The following TSPAN12 variants were observed in gnomAD, a reference collection of about 807,000 sequenced individuals.
The protein encoded by TSPAN12 is tetraspanin-12.
In TSPAN12, 19 loss-of-function variants were observed where a neutral mutation model predicts 39.2. That is an observed-to-expected ratio of 0.49 (90% CI 0.34 to 0.71). The LOEUF (loss-of-function observed/expected upper bound fraction) is 0.71, where lower values mean the gene tolerates loss of function less well. Among genes scored for constraint, TSPAN12 ranks in the 30% least tolerant of loss-of-function variants. TSPAN12 has a pLI of 0.01. For synonymous variants in TSPAN12, 119 were observed against 124.8 expected, an observed-to-expected ratio of 0.95 and a Z score of 0.31; for missense variants, 314 against 359.9, an observed-to-expected ratio of 0.87 and a Z score of 1.03.
intron 2 of TSPAN12, among the ~76,000 whole-genome samples, chr7:120,849,149 G>T (rs1241701772): frequency 1.3e-5 from 2 of 152,158 alleles, no homozygotes; most frequent in Admixed American, 1.3e-4. Flanking sequence ...AGCTCAAGGA[G>T]ATATTTTAAA....
intron 2 of TSPAN12, among the ~76,000 whole-genome samples, chr7:120,851,831 A>G (rs1794774748): frequency 1.3e-5 from 2 of 152,146 alleles, no homozygotes; most frequent in Non-Finnish European, 2.9e-5. Context: ...ACAGACCCAC[A>G]ATACTCATGA....
intron 7 of TSPAN12, among the ~76,000 whole-genome samples, chr7:120,798,225 C>T (rs1482713291): frequency 6.6e-6 from 1 of 152,166 alleles, no homozygotes; most frequent in Non-Finnish European, 1.5e-5. Flanking sequence ...TTCGATCAAG[C>T]AAAGCCTGAA....
chr7:120,797,734 C>T (rs1226316399), intron 7 of TSPAN12, among the ~76,000 whole-genome samples: 1 of 152,174 alleles, frequency 6.6e-6, no homozygotes, highest in African/African-American at 2.4e-5. Flanking sequence ...CGTTCACTCC[C>T]CACAGCCAAT....
intron 7 of TSPAN12, among the ~76,000 whole-genome samples, chr7:120,791,598 C>T (rs932037914): frequency 1.3e-5 from 2 of 152,086 alleles, no homozygotes; most frequent in Non-Finnish European, 2.9e-5. Context: ...CCTCTTTAGA[C>T]TAATTCATTT....
At position 120,858,100 on chromosome 7, in the gene TSPAN12, G is replaced by C. The variant is rs13225104; in HGVS notation, c.-351C>G. 6.6e-6 allele frequency: 1 copy of C among 152,116 alleles called. No homozygotes were observed. The highest frequency in any genetic ancestry group is 1.5e-5 in the Non-Finnish European group (1 of 68,088). The allele number at this position is 152,116 out of a possible 1,614,324, so 9.4% of individuals were successfully genotyped here. A position where few individuals can be genotyped will look rare whatever the true frequency, so the allele number is the denominator to read the frequency against. ...TCCCAAGTCCTCTCCGAGTCCGGAC[G>C]AGGCAGCGGCGGCAGCCAGGGCCAG... On this transcript the variant is annotated 5_prime_UTR_variant, in exon 1 of 8. Coordinates refer to ENST00000222747, the MANE Select transcript of TSPAN12 (RefSeq NM_012338.4).
At chr7:120,852,824 C>G (rs1224187218) in intron 2 of TSPAN12, among the ~76,000 whole-genome samples, 3 of 151,996 alleles carry the variant, frequency 2.0e-5, no homozygotes, top group Non-Finnish European at 4.4e-5. Context: ...AGTTATTGAA[C>G]TACTGAGTAC....
At chr7:120,825,831 T>C (rs923929464) in intron 4 of TSPAN12, among the ~76,000 whole-genome samples, 7 of 152,228 alleles carry the variant, frequency 4.6e-5, no homozygotes, top group Admixed American at 3.3e-4. Context: ...ACAGAGCCTC[T>C]GTTTTAGCTA....
intron 7 of TSPAN12, among the ~76,000 whole-genome samples, chr7:120,792,460 T>G (rs1291501854): frequency 6.6e-6 from 1 of 152,176 alleles, no homozygotes; most frequent in Non-Finnish European, 1.5e-5. Context: ...AGCTCTGACA[T>G]ATTCGTGGAG....
At chr7:120,849,445 G>A (rs185629779) in intron 2 of TSPAN12, among the ~76,000 whole-genome samples, 5 of 152,246 alleles carry the variant, frequency 3.3e-5, no homozygotes, top group East Asian at 1.9e-4. Flanking sequence ...GTAAGGTCAC[G>A]GTCAAGAAAC....
chr7:120,791,840 G>A (rs1793529717), intron 7 of TSPAN12, among the ~76,000 whole-genome samples: 1 of 152,106 alleles, frequency 6.6e-6, no homozygotes, highest in Admixed American at 6.5e-5. Context: ...CTCTAGAATG[G>A]GAGGGGTCCT....
At chr7:120,856,895 C>T in intron 1 of TSPAN12, 62 bp from the exon 2 acceptor site, 1 of 980,988 alleles carries the variant, frequency 1.0e-6, no homozygotes, top group South Asian at 1.4e-5. Context: ...CACAGCCTGC[C>T]CGTCCCTCCT....
At chr7:120,806,777 T>A in intron 6 of TSPAN12, 85 bp from the exon 7 acceptor site, 3 of 1,548,440 alleles carry the variant, frequency 1.9e-6, no homozygotes, top group Non-Finnish European at 2.6e-6. Flanking sequence ...TTTTTTAAAA[T>A]TTTTGTACCC....
rs1793450659 is a variant in TSPAN12, at chr7:120,788,439, C to T, written c.*153G>A. On this transcript the variant is annotated 3_prime_UTR_variant, in exon 8 of 8. Transcript: ENST00000222747. ...GGTGACTTATGACATGAAACTTTTC[C>T]ATCCTCATTTTAAAGCATAGAATAG... 3 of 929,398 alleles carry T rather than the reference C, an allele frequency of 3.2e-6. No homozygotes were observed. Among genetic ancestry groups the T allele is most frequent in the Non-Finnish European group, 4.8e-6 (3 of 619,794 alleles). The allele number at this position is 929,398 out of a possible 1,614,324, so 57.6% of individuals were successfully genotyped here. A position where few individuals can be genotyped will look rare whatever the true frequency, so the allele number is the denominator to read the frequency against.
At chr7:120,855,892 A>C (rs1794860742) in intron 2 of TSPAN12, among the ~76,000 whole-genome samples, 1 of 152,234 alleles carries the variant, frequency 6.6e-6, no homozygotes, top group South Asian at 2.1e-4. Context: ...GAACACAAAA[A>C]AATGGAAAGA....
intron 4 of TSPAN12, among the ~76,000 whole-genome samples, chr7:120,834,485 T>C (rs188101862): frequency 6.6e-5 from 10 of 152,314 alleles, no homozygotes; most frequent in Non-Finnish European, 1.3e-4. Flanking sequence ...TATAAAGACC[T>C]GTTTTGAGGA....
chr7:120,848,140 G>C (rs1794707319), intron 2 of TSPAN12, among the ~76,000 whole-genome samples: 1 of 152,162 alleles, frequency 6.6e-6, no homozygotes, highest in Admixed American at 6.5e-5. Flanking sequence ...CATGTGCTGA[G>C]CAACATCTAC....
chr7:120,854,606 G>A (rs565088070), intron 2 of TSPAN12, among the ~76,000 whole-genome samples: 1 of 152,276 alleles, frequency 6.6e-6, no homozygotes, highest in African/African-American at 2.4e-5. Flanking sequence ...AGTTAGATAG[G>A]TTGGCTACTT....
chr7:120,814,127 C>T (rs1226724247), intron 5 of TSPAN12: 1 of 450,348 alleles, frequency 2.2e-6, no homozygotes, highest in Non-Finnish European at 4.5e-6. Context: ...GTGGTTACTA[C>T]TTAGTATTCA....
At chr7:120,841,801 G>A (rs1305598762) in intron 2 of TSPAN12, among the ~76,000 whole-genome samples, 47 of 152,140 alleles carry the variant, frequency 3.1e-4, no homozygotes, top group Admixed American at 3.1e-3. Context: ...GTAGAGAAGG[G>A]CATGTTGATA....
Sources: allele counts gnomAD v4.1 joint callset (sites outside exome capture counted in the v4.1 genomes callset), GRCh38; gene constraint gnomAD v4.1.1; transcripts MANE v1.5; gene names NCBI Gene and HGNC (gene_info 2026-07-23, HGNC 2026-07-21).